The following ELAVL2 variants were observed in gnomAD, a reference collection of about 807,000 sequenced individuals.
The protein encoded by ELAVL2 is ELAV-like protein 2.
Under a neutral mutation model 34.6 loss-of-function variants are expected in ELAVL2, and 4 were observed. The observed-to-expected ratio is 0.12, with a 90% CI of 0.06 to 0.26. The LOEUF (loss-of-function observed/expected upper bound fraction) is 0.26, where lower values mean the gene tolerates loss of function less well. Among genes scored for constraint, ELAVL2 ranks in the 10% least tolerant of loss-of-function variants. ELAVL2 has a pLI of 1.00. For missense variants in ELAVL2, 432 were observed against 442.8 expected (o/e 0.98, Z 0.22); for synonymous variants, 193 against 154.8 (o/e 1.25, Z -1.83).
intron 5 of ELAVL2, among the ~76,000 whole-genome samples, chr9:23,695,604 T>C (rs149239994): frequency 3.3e-5 from 5 of 152,280 alleles, no homozygotes; most frequent in Middle Eastern, 3.4e-3. Flanking sequence ...TAGATGGTAA[T>C]AGCCTACCAC....
rs2037194812 is a variant in ELAVL2, at chr9:23,701,496, G to A, written c.596C>T (p.Thr199Ile). Residue 199 changes from threonine (T) to isoleucine (I), a missense_variant, in exon 5 of 7, where the codon ACT becomes ATT. Physicochemically the swap from Thr to Ile is moderately conservative, Grantham distance 89. Coordinates refer to ENST00000397312, the MANE Select transcript of ELAVL2 (RefSeq NM_004432.5). ...QKPPGATEPI[T>I]VKFANNPSQK... Reference sequence around the variant, plus strand: ...GCTTGGGTTATTAGCAAACTTTACAGTGATTGGCTCCGTGGCACCGGGAGG... The same window carrying A: ...GCTTGGGTTATTAGCAAACTTTACAATGATTGGCTCCGTGGCACCGGGAGG... 9.9e-6 allele frequency: 16 copies of A among 1,613,992 alleles called. No homozygotes were observed. Among genetic ancestry groups the A allele is most frequent in the Non-Finnish European group, 1.3e-5 (15 of 1,180,000 alleles).
At chr9:23,751,259 G>A (rs1342344161) in intron 2 of ELAVL2, among the ~76,000 whole-genome samples, 2 of 152,062 alleles carry the variant, frequency 1.3e-5, no homozygotes, top group Non-Finnish European at 2.9e-5. Flanking sequence ...AACTCATTAA[G>A]AGCTAAAAAT....
At position 23,711,503 on chromosome 9, in the gene ELAVL2, C is replaced by T. The variant is rs568763203; in HGVS notation, c.334-6432G>A. ...CCTCTTCCATACAAGTATACAAAAC[C>T]TTCGGTAGTATTCCAAGCTTCCTGC... On this transcript the variant is annotated intron_variant, in intron 3 of 6. Transcript: ENST00000397312. Among the ~76,000 whole-genome samples the T allele has an allele frequency of 2.0e-5, 3 of 152,134 alleles. No individual in the cohort carries two copies. The East Asian group carries it at 5.8e-4, about 29-fold the overall frequency.
At chr9:23,765,036 A>G (rs780922027) in intron 1 of ELAVL2, 2 of 1,609,660 alleles carry the variant, frequency 1.2e-6, no homozygotes, top group South Asian at 1.1e-5. Flanking sequence ...CTGCCCACGA[A>G]CCACTTCTAA....
At chr9:23,709,841 G>A (rs1401361179) in intron 3 of ELAVL2, among the ~76,000 whole-genome samples, 4 of 152,214 alleles carry the variant, frequency 2.6e-5, no homozygotes, top group Non-Finnish European at 4.4e-5. Flanking sequence ...GAGGCAGCCA[G>A]AGAGTCTGCA....
the ELAVL2 span, among the ~76,000 whole-genome samples, chr9:23,841,316 C>T: frequency 1.4e-4 from 21 of 152,218 alleles, no homozygotes; most frequent in Non-Finnish European, 2.2e-4. Context: ...CTCAGACTTA[C>T]AGCTTTTATA....
chr9:23,776,292 T>C (rs1283558207), intron 1 of ELAVL2, among the ~76,000 whole-genome samples: 1 of 152,200 alleles, frequency 6.6e-6, no homozygotes, highest in South Asian at 2.1e-4. Context: ...CATTTTTTAA[T>C]TCCTAGCTAC....
At chr9:23,785,150 A>T (rs944915273) in intron 1 of ELAVL2, among the ~76,000 whole-genome samples, 1 of 152,166 alleles carries the variant, frequency 6.6e-6, no homozygotes, top group African/African-American at 2.4e-5. Context: ...TTCTTATTGT[A>T]CTTCCCTGAG....
chr9:23,808,659 A>C (rs1242355171), intron 1 of ELAVL2, among the ~76,000 whole-genome samples: 1 of 152,164 alleles, frequency 6.6e-6, no homozygotes, highest in African/African-American at 2.4e-5. Context: ...CTACTAATAA[A>C]AACTTTAGAT....
At chr9:23,798,895 A>G (rs543872138) in intron 1 of ELAVL2, among the ~76,000 whole-genome samples, 1 of 152,326 alleles carries the variant, frequency 6.6e-6, no homozygotes, top group East Asian at 1.9e-4. Context: ...TGTTTTTTAT[A>G]GATAGATATA....
chr9:23,703,982 G>A (rs1333611684), intron 4 of ELAVL2, among the ~76,000 whole-genome samples: 1 of 151,934 alleles, frequency 6.6e-6, no homozygotes, highest in Non-Finnish European at 1.5e-5. Context: ...GCCCAGGCTG[G>A]AGTGCAATGG....
intron 1 of ELAVL2, among the ~76,000 whole-genome samples, chr9:23,807,277 G>T (rs902304779): frequency 6.6e-6 from 1 of 152,026 alleles, no homozygotes; most frequent in Non-Finnish European, 1.5e-5. Flanking sequence ...GTTTAGGTCT[G>T]GTGATCTGTG....
chr9:23,713,279 A>AT (rs2041472778), intron 3 of ELAVL2, among the ~76,000 whole-genome samples: 1 of 152,274 alleles, frequency 6.6e-6, no homozygotes, highest in South Asian at 2.1e-4. Context: ...CATTTCTTAA[A>AT]TTTTTTACCT....
chr9:23,758,849 T>G (rs530289467), intron 2 of ELAVL2, among the ~76,000 whole-genome samples: 1 of 151,982 alleles, frequency 6.6e-6, no homozygotes, highest in African/African-American at 2.4e-5. Flanking sequence ...AACTACAGAG[T>G]GCAGCACTTC....
chr9:23,816,817 A>G (rs1275595815), intron 1 of ELAVL2, among the ~76,000 whole-genome samples: 3 of 152,162 alleles, frequency 2.0e-5, no homozygotes, highest in Non-Finnish European at 4.4e-5. Flanking sequence ...CCCAACTATA[A>G]CATAAATGTT....
intron 1 of ELAVL2, among the ~76,000 whole-genome samples, chr9:23,788,191 C>T (rs1307739408): frequency 6.6e-6 from 1 of 152,004 alleles, no homozygotes; most frequent in African/African-American, 2.4e-5. Flanking sequence ...GCCAATGGAC[C>T]AGGATATAAA....
At position 23,701,547 on chromosome 9, in the gene ELAVL2, G is replaced by C. The variant is rs1220544943; in HGVS notation, c.545C>G (p.Ala182Gly). 8.1e-6 allele frequency: 13 copies of C among 1,614,098 alleles called. No homozygotes were observed. The highest frequency in any genetic ancestry group is 1.1e-5 in the Non-Finnish European group (13 of 1,179,986). The change falls in exon 5 of 7, where the codon GCT (alanine) becomes GGT (glycine). Residue 182 changes from alanine (A) to glycine (G), a missense_variant. This residue lies in a region of ELAVL2 where 295 missense variants were observed against 306.1 expected (regional missense o/e 0.96). Transcript: ENST00000397312. ...RFDKRIEAEE[A>G]IKGLNGQKPP... ...TTTCTGGCCATTTAGGCCTTTGATA[G>C]CTTCTTCTGCCTCAATTCGCTTGTC... is the stretch of plus-strand genomic sequence containing the variant.
chr9:23,793,700 A>T (rs2060585796), intron 1 of ELAVL2, among the ~76,000 whole-genome samples: 1 of 152,146 alleles, frequency 6.6e-6, no homozygotes, highest in Non-Finnish European at 1.5e-5. Context: ...AAAACACAGT[A>T]ATATACTAAG....
chr9:23,807,486 C>A (rs2062392577), intron 1 of ELAVL2, among the ~76,000 whole-genome samples: 1 of 151,938 alleles, frequency 6.6e-6, no homozygotes, highest in Non-Finnish European at 1.5e-5. Flanking sequence ...TCTTAAACAA[C>A]AAATGTCTTC....
Sources: allele counts gnomAD v4.1 joint callset (sites outside exome capture counted in the v4.1 genomes callset), GRCh38; gene constraint gnomAD v4.1.1; regional missense constraint gnomAD v4.1.1; transcripts MANE v1.5; gene names NCBI Gene and HGNC (gene_info 2026-07-23, HGNC 2026-07-21).